Variants in EPHA1 observed in about 807,000 individuals in gnomAD.
EPHA1 encodes EPH receptor A1.
Under a neutral mutation model 110.1 loss-of-function variants are expected in EPHA1, and 92 were observed. That is an observed-to-expected ratio of 0.84 (90% CI 0.71 to 0.99). The LOEUF is 0.99. Ranked by LOEUF, EPHA1 falls within the 50% of genes least tolerant of loss-of-function variation. The pLI is 0.00. For synonymous variants in EPHA1, 500 were observed against 516.1 expected, an observed-to-expected ratio of 0.97 and a Z score of 0.42; for missense variants, 1,204 against 1,285.4, an observed-to-expected ratio of 0.94 and a Z score of 0.97.
At position 143,399,406 on chromosome 7, in the gene EPHA1, A is replaced by G. The variant is rs1376702357; in HGVS notation, c.843T>C (p.Pro281=). 6.3e-7 allele frequency: 1 copy of G among 1,586,922 alleles called. No homozygotes were observed. Among genetic ancestry groups the G allele is most frequent in the Non-Finnish European group, 8.6e-7 (1 of 1,165,958 alleles). ...GGSGEACVAC[P]SGSYRMDMDT... ...CCATGTCCATCCGGTAGGAGCCGCTAGGGCAGGCTGGAGAGAGAACGCAGC... is the reference window on the plus strand; with the variant it reads ...CCATGTCCATCCGGTAGGAGCCGCTGGGGCAGGCTGGAGAGAGAACGCAGC... Residue 281 remains proline (P), a synonymous_variant, in exon 5 of 18, where the codon CCT becomes CCC. Coordinates refer to ENST00000275815, the MANE Select transcript of EPHA1 (RefSeq NM_005232.5).
rs1300542881 is a variant in EPHA1, at chr7:143,398,894, A to G, written c.1043T>C (p.Leu348Pro). The change falls in exon 6 of 18, where the codon CTC becomes CCC. Residue 348 changes from leucine (L) to proline (P), a missense_variant. Coordinates refer to ENST00000275815, the MANE Select transcript of EPHA1 (RefSeq NM_005232.5). Reference sequence around the variant, plus strand: ...TGCTGGGGGTTCCCAACGCAGGGAGAGCTGAGTCCCTGAGGCAGAGAAGCT... The same window carrying G: ...TGCTGGGGGTTCCCAACGCAGGGAGGGCTGAGTCCCTGAGGCAGAGAAGCT... Reference protein sequence around the residue: ...NLSFSASGTQLSLRWEPPADT... With the variant: ...NLSFSASGTQPSLRWEPPADT... The G allele has an allele frequency of 3.1e-6, 5 of 1,613,134 alleles. No homozygotes were observed. The highest frequency in any genetic ancestry group is 3.3e-5 in the Admixed American group (2 of 59,944).
rs1805209830 is a variant in EPHA1 at position 143,395,195 on chromosome 7, C to T, written c.2084-13G>A. 1 of 1,613,118 alleles carries T rather than the reference C, an allele frequency of 6.2e-7. No individual in the cohort carries two copies. On this transcript the variant is annotated splice_polypyrimidine_tract_variant and intron_variant, in intron 12 of 17. Transcript: ENST00000275815. The surrounding 1 kb of genome is among the most constrained non-coding windows in gnomAD (Gnocchi z 4.7). Reference sequence around the variant, plus strand: ...ATGATCGGCTTTCCTGAGACACAGACACACATATCACACTCAGAACCGGGC... The same window carrying T: ...ATGATCGGCTTTCCTGAGACACAGATACACATATCACACTCAGAACCGGGC...
Position 143,399,711 on chromosome 7 carries a change from C to T in EPHA1, c.775G>A (p.Val259Ile), listed in dbSNP as rs1805363372. 6.2e-7 allele frequency: 1 copy of T among 1,613,756 alleles called. No individual in the cohort carries two copies. Among genetic ancestry groups the T allele is most frequent in the African/African-American group, 1.3e-5 (1 of 75,064 alleles). The change falls in exon 4 of 18, where the codon GTA (valine) becomes ATA (isoleucine). Residue 259 changes from valine (V) to isoleucine (I), a missense_variant. Coordinates refer to ENST00000275815, the MANE Select transcript of EPHA1 (RefSeq NM_005232.5). Reference protein sequence around the residue: ...CSPDGEWLVPVGRCHCEPGYE... With the variant: ...CSPDGEWLVPIGRCHCEPGYE... Reference sequence around the variant, plus strand: ...CCAGGCTCACAGTGGCACCGTCCTACAGGCACCAGCCACTCGCCATCAGGG... The same window carrying T: ...CCAGGCTCACAGTGGCACCGTCCTATAGGCACCAGCCACTCGCCATCAGGG...
chr7:143,406,042 T>C (rs940650598), intron 2 of EPHA1, among the ~76,000 whole-genome samples: 4 of 152,156 alleles, frequency 2.6e-5, no homozygotes, highest in Non-Finnish European at 5.9e-5. Context: ...AAATATATAT[T>C]TGGTCTTTGT....
Position 143,395,413 on chromosome 7 carries a change from T to G in EPHA1, c.1989A>C (p.Pro663=). ...GAAGGAAGTTCCACCACTGGCCACC[T>G]GGGGATGTGTCTTTTAAGGTCTTAA... ...VAIKTLKDTS[P]GGQWWNFLRE... Residue 663 remains proline, a synonymous_variant, in exon 12 of 18, where the codon CCA becomes CCC. Transcript: ENST00000275815. This position sits in a 1 kb window ranked among gnomAD's most constrained non-coding sequence, Gnocchi z 4.7. 6.2e-7 allele frequency: 1 copy of G among 1,614,196 alleles called. No individual in the cohort carries two copies. The highest frequency in any genetic ancestry group is 8.5e-7 in the Non-Finnish European group (1 of 1,180,028).
rs1805231070 is a variant in EPHA1, at chr7:143,395,885, G to A, written c.1898-381C>T. On this transcript the variant is annotated intron_variant, in intron 11 of 17. Transcript: ENST00000275815. This position sits in a 1 kb window ranked among gnomAD's most constrained non-coding sequence, Gnocchi z 4.7. ...CGCCTCTCTTCTGTGAGCTCCTCTG[G>A]TCCCAGCTTGCCTGGCTCAGCTGCA... Among the ~76,000 whole-genome samples, 1 of 152,212 alleles carries A rather than the reference G, an allele frequency of 6.6e-6. No individual in the cohort carries two copies. Among genetic ancestry groups the A allele is most frequent in the South Asian group, 2.1e-4 (1 of 4,834 alleles).
intron 14 of EPHA1, 50 bp from the exon 15 acceptor site, chr7:143,394,393 C>T: frequency 6.4e-7 from 1 of 1,553,748 alleles, no homozygotes; most frequent in Non-Finnish European, 8.7e-7. Flanking sequence ...TCCACCTGAG[C>T]ACGAGTCTTT....
chr7:143,405,432 TGTGC>T (rs1470628148), intron 2 of EPHA1, among the ~76,000 whole-genome samples: 5 of 101,188 alleles, frequency 4.9e-5, no homozygotes, highest in African/African-American at 1.6e-4. Flanking sequence ...CGTGTGCATG[TGTGC>T]GTGTGTGTGT....
rs755691716 is a variant in EPHA1 at position 143,395,193 on chromosome 7, G to A, written c.2084-11C>T. 3 of 1,613,304 alleles carry A rather than the reference G, an allele frequency of 1.9e-6. No individual in the cohort carries two copies. In the South Asian group the frequency reaches 3.3e-5, roughly 18 times the overall value. Reference sequence around the variant, plus strand: ...TCATGATCGGCTTTCCTGAGACACAGACACACATATCACACTCAGAACCGG... The same window carrying A: ...TCATGATCGGCTTTCCTGAGACACAAACACACATATCACACTCAGAACCGG... On this transcript the variant is annotated splice_polypyrimidine_tract_variant and intron_variant, in intron 12 of 17. Coordinates refer to ENST00000275815, the MANE Select transcript of EPHA1 (RefSeq NM_005232.5). The surrounding 1 kb of genome is among the most constrained non-coding windows in gnomAD (Gnocchi z 4.7).
In EPHA1 at chr7:143,393,741, G is replaced by T. The variant is rs1483335998; in HGVS notation, c.2626C>A (p.Leu876Ile). Residue 876 changes from leucine (L) to isoleucine (I), a missense_variant, in exon 16 of 18, where the codon CTT (leucine) becomes ATT (isoleucine). Leu to Ile is a conservative substitution (Grantham distance 5). Transcript: ENST00000275815. This position sits in a 1 kb window ranked among gnomAD's most constrained non-coding sequence, Gnocchi z 5.6. Reference sequence around the variant, plus strand: ...AGCAGTTGCTCCAGATGTGCCTGAAGCTTCTGGAAGTGTGGCCGGCGGGCA... The same window carrying T: ...AGCAGTTGCTCCAGATGTGCCTGAATCTTCTGGAAGTGTGGCCGGCGGGCA... ...DRARRPHFQK[L>I]QAHLEQLLAN... 4.3e-6 allele frequency: 7 copies of T among 1,613,868 alleles called. No homozygotes were observed. The highest frequency in any genetic ancestry group is 5.9e-6 in the Non-Finnish European group (7 of 1,179,964).
intron 2 of EPHA1, among the ~76,000 whole-genome samples, chr7:143,406,721 G>C (rs1246893708): frequency 6.6e-6 from 1 of 152,234 alleles, no homozygotes; most frequent in Non-Finnish European, 1.5e-5. Flanking sequence ...GTCCACTGAA[G>C]AATCTGCCAG....
rs779710456 is a variant in EPHA1, at chr7:143,395,995, C to T, written c.1897+390G>A. Among the ~76,000 whole-genome samples the T allele has an allele frequency of 6.6e-6, 1 of 152,218 alleles. No homozygotes were observed. Among genetic ancestry groups the T allele is most frequent in the Non-Finnish European group, 1.5e-5 (1 of 68,030 alleles). On this transcript the variant is annotated intron_variant, in intron 11 of 17. Transcript: ENST00000275815. The surrounding 1 kb of genome is among the most constrained non-coding windows in gnomAD (Gnocchi z 4.7). Reference sequence around the variant, plus strand: ...CCAAGGGAACAGGGCAGCCCAAGGACACTGGGCCTCTGATGGGGTGGAATG... The same window carrying T: ...CCAAGGGAACAGGGCAGCCCAAGGATACTGGGCCTCTGATGGGGTGGAATG...
chr7:143,404,591 C>G (rs1035013603), intron 2 of EPHA1, among the ~76,000 whole-genome samples: 6 of 152,158 alleles, frequency 3.9e-5, no homozygotes, highest in Admixed American at 6.5e-5. Context: ...CTAGGTATTA[C>G]TTTCCATATT....
Position 143,391,306 on chromosome 7 carries a change from T to C in EPHA1, c.*151A>G. On this transcript the variant is annotated 3_prime_UTR_variant, in exon 18 of 18. Coordinates refer to ENST00000275815, the MANE Select transcript of EPHA1 (RefSeq NM_005232.5). Reference sequence around the variant, plus strand: ...TTTAAAACAAAGAGGTTTTCTGGGGTGCAGAGCAGGGTTCTCCTGAAAGTG... The same window carrying C: ...TTTAAAACAAAGAGGTTTTCTGGGGCGCAGAGCAGGGTTCTCCTGAAAGTG... The C allele has an allele frequency of 3.4e-6, 3 of 872,762 alleles. No individual in the cohort carries two copies. The highest frequency in any genetic ancestry group is 5.4e-5 in the East Asian group (2 of 37,354). The allele number at this position is 872,762 out of a possible 1,614,324, so 54.1% of individuals were successfully genotyped here.
chr7:143,405,436 CGTGTGTGTGT>C (rs71523910), intron 2 of EPHA1, among the ~76,000 whole-genome samples: 5 of 149,430 alleles, frequency 3.3e-5, no homozygotes, highest in East Asian at 2.0e-4. Flanking sequence ...TGCATGTGTG[CGTGTGTGTGT>C]GTGTGTGTGT....
In EPHA1 at chr7:143,399,946, G is replaced by A. The variant is rs1805373294; in HGVS notation, c.540C>T (p.Gly180=). The part of the protein sequence containing the change: ...RCSLGRLTRR[G]LYLAFHNPGA... ...CCGGGTTGTGGAAAGCGAGGTAGAG[G>A]CCACGGCGGGTCAGGCGGCCCAGAG... The change falls in exon 4 of 18, where the codon GGC becomes GGT. Residue 180 remains glycine, a synonymous_variant. Transcript: ENST00000275815. 6.2e-7 allele frequency: 1 copy of A among 1,613,570 alleles called. No homozygotes were observed. The highest frequency in any genetic ancestry group is 1.7e-5 in the Admixed American group (1 of 60,000).
chr7:143,401,447 C>T lies in EPHA1; in HGVS notation c.309G>A (p.Val103=), dbSNP rs771573883. 2.5e-6 allele frequency: 4 copies of T among 1,614,156 alleles called. No individual in the cohort carries two copies. The Middle Eastern group carries it at 4.9e-4, about 200-fold the overall frequency. The change falls in exon 3 of 18, where the codon GTG becomes GTA. Residue 103 remains valine, a synonymous_variant. Coordinates refer to ENST00000275815, the MANE Select transcript of EPHA1 (RefSeq NM_005232.5). This position sits in a 1 kb window ranked among gnomAD's most constrained non-coding sequence, Gnocchi z 4.1. ...CCCCAGGGAAACTCTTGCAGTCCCG[C>T]ACGGTGAACTGCAGCTCCACGTGGA... ...SRVHVELQFT[V]RDCKSFPGGA...
chr7:143,399,349 C>G lies in EPHA1; in HGVS notation c.900G>C (p.Gln300His). 1 of 1,612,164 alleles carries G rather than the reference C, an allele frequency of 6.2e-7. No individual in the cohort carries two copies. The highest frequency in any genetic ancestry group is 1.1e-5 in the South Asian group (1 of 90,854). ...TGGCCCCCTCAGACTCAGCAGTGCT[C>G]TGCTGGGGGCACGTGAGACAATGGG... ...DTPHCLTCPQQSTAESEGATI... is the reference protein window; with the variant it reads ...DTPHCLTCPQHSTAESEGATI... The change falls in exon 5 of 18, where the codon CAG (glutamine) becomes CAC (histidine). Residue 300 changes from glutamine to histidine, a missense_variant. Gln to His is a conservative substitution (Grantham distance 24). Transcript: ENST00000275815.
chr7:143,398,507 C>T, intron 6 of EPHA1, 59 bp from the exon 7 acceptor site: 2 of 1,611,042 alleles, frequency 1.2e-6, no homozygotes, highest in Non-Finnish European at 1.7e-6. Context: ...ACCTTAGTAA[C>T]TTTTCTATGG....
Sources: allele counts gnomAD v4.1 joint callset (sites outside exome capture counted in the v4.1 genomes callset), GRCh38; gene constraint gnomAD v4.1.1; non-coding constraint Gnocchi (gnomAD v3.1); transcripts MANE v1.5; gene names NCBI Gene and HGNC (gene_info 2026-07-23, HGNC 2026-07-21).